PLCXD3: variants seen among roughly 807,000 people sequenced by gnomAD.
PLCXD3 encodes the protein PI-PLC X domain-containing protein 3.
PLCXD3 carries 19 observed loss-of-function variants against 25.5 expected under a neutral mutation model. That is an observed-to-expected ratio of 0.75 (90% CI 0.52 to 1.09). PLCXD3 has a LOEUF of 1.09. PLCXD3 is among the 50% of genes least tolerant of loss of function. The probability of loss-of-function intolerance (pLI) is 0.00; values close to 1 mark genes in which losing one functional copy is unlikely to be tolerated. For missense variants in PLCXD3, 411 were observed against 388.1 expected, an observed-to-expected ratio of 1.06 and a Z score of -0.50; for synonymous variants, 174 against 137.6, an observed-to-expected ratio of 1.26 and a Z score of -1.85.
At chr5:41,366,814 C>T (rs1234189420) in intron 2 of PLCXD3, among the ~76,000 whole-genome samples, 1 of 152,100 alleles carries the variant, frequency 6.6e-6, no homozygotes, top group Non-Finnish European at 1.5e-5. Flanking sequence ...TCCCGTGCCC[C>T]AGTGTGTGTC....
At chr5:41,320,276 C>T (rs867150942) in intron 2 of PLCXD3, among the ~76,000 whole-genome samples, 2 of 151,944 alleles carry the variant, frequency 1.3e-5, no homozygotes, top group African/African-American at 4.8e-5. Flanking sequence ...CAGTATTACC[C>T]TGATAACAAA....
intron 2 of PLCXD3, among the ~76,000 whole-genome samples, chr5:41,341,295 G>A (rs1436353511): frequency 6.6e-6 from 1 of 152,150 alleles, no homozygotes; most frequent in Non-Finnish European, 1.5e-5. Flanking sequence ...CAGCTTCCTA[G>A]CTGACTCTGC....
At chr5:41,405,681 A>G (rs940489362) in intron 1 of PLCXD3, among the ~76,000 whole-genome samples, 1 of 152,172 alleles carries the variant, frequency 6.6e-6, no homozygotes, top group Admixed American at 6.6e-5. Context: ...TCCATTGTTC[A>G]CATGAGATAT....
chr5:41,451,714 G>A (rs1443530966), intron 1 of PLCXD3, among the ~76,000 whole-genome samples: 2 of 151,226 alleles, frequency 1.3e-5, no homozygotes, highest in Admixed American at 6.6e-5. Flanking sequence ...CTCACCTACT[G>A]AAAGACATTG....
chr5:41,357,054 T>C (rs940020363), intron 2 of PLCXD3, among the ~76,000 whole-genome samples: 3 of 152,244 alleles, frequency 2.0e-5, no homozygotes, highest in African/African-American at 7.2e-5. Context: ...GCAGACACGC[T>C]TGACCTAACT....
intron 2 of PLCXD3, among the ~76,000 whole-genome samples, chr5:41,363,511 C>T (rs1327695117): frequency 6.6e-6 from 1 of 152,116 alleles, no homozygotes; most frequent in East Asian, 1.9e-4. Context: ...AGCTGTCATT[C>T]AGAATTATTA....
intron 1 of PLCXD3, chr5:41,456,586 C>A (rs749850657): frequency 5.6e-6 from 5 of 891,152 alleles, no homozygotes; most frequent in Non-Finnish European, 6.7e-6. Flanking sequence ...TTGTGTCCCC[C>A]CTGACACTCC....
At chr5:41,378,789 T>C (rs1034467128) in intron 2 of PLCXD3, among the ~76,000 whole-genome samples, 2 of 152,068 alleles carry the variant, frequency 1.3e-5, no homozygotes, top group African/African-American at 4.8e-5. Context: ...CCTAACTGAT[T>C]TGATTTTTTT....
chr5:41,507,124 C>A (rs931313343), intron 1 of PLCXD3, among the ~76,000 whole-genome samples: 1 of 152,132 alleles, frequency 6.6e-6, no homozygotes, highest in African/African-American at 2.4e-5. Context: ...CTGGAGCCAC[C>A]ATGATTACAG....
intron 1 of PLCXD3, among the ~76,000 whole-genome samples, chr5:41,499,570 C>T (rs928046974): frequency 6.6e-6 from 1 of 151,738 alleles, no homozygotes; most frequent in Non-Finnish European, 1.5e-5. Flanking sequence ...TACCACTCCC[C>T]AAAGGAATCT....
chr5:41,428,812 G>A (rs563793050), intron 1 of PLCXD3, among the ~76,000 whole-genome samples: 32 of 152,154 alleles, frequency 2.1e-4, no homozygotes, highest in Admixed American at 5.2e-4. Flanking sequence ...GACGCTTCAT[G>A]CACTGTTAAA....
intron 2 of PLCXD3, among the ~76,000 whole-genome samples, chr5:41,346,088 C>T (rs765321983): frequency 2.0e-5 from 3 of 152,106 alleles, no homozygotes; most frequent in Admixed American, 6.6e-5. Flanking sequence ...ACCATGTTGG[C>T]GTGGCTGGTC....
chr5:41,406,429 A>G (rs1258444754), intron 1 of PLCXD3, among the ~76,000 whole-genome samples: 1 of 152,128 alleles, frequency 6.6e-6, no homozygotes, highest in African/African-American at 2.4e-5. Context: ...AACAGACTTT[A>G]GTATCTTCCC....
At chr5:41,358,062 T>C (rs770437702) in intron 2 of PLCXD3, among the ~76,000 whole-genome samples, 37 of 152,336 alleles carry the variant, frequency 2.4e-4, no homozygotes, top group Non-Finnish European at 2.4e-4. Context: ...ATATTGTTAA[T>C]GAAAGCTAAC....
At chr5:41,475,812 C>G (rs559471407) in intron 1 of PLCXD3, 19 of 499,418 alleles carry the variant, frequency 3.8e-5, no homozygotes, top group African/African-American at 1.2e-4. Context: ...CATTATGAGA[C>G]TGAATGAAGG....
intron 1 of PLCXD3, among the ~76,000 whole-genome samples, chr5:41,433,005 C>G (rs1238161039): frequency 6.6e-6 from 1 of 152,174 alleles, no homozygotes; most frequent in Non-Finnish European, 1.5e-5. Context: ...ATTTCAAGGT[C>G]CTGGAACAGC....
intron 2 of PLCXD3, among the ~76,000 whole-genome samples, chr5:41,336,151 T>A (rs917614243): frequency 3.9e-5 from 6 of 152,150 alleles, no homozygotes; most frequent in African/African-American, 1.4e-4. Context: ...AATTCTCATC[T>A]TCCTCGTTGT....
At chr5:41,407,168 G>C (rs545598834) in intron 1 of PLCXD3, among the ~76,000 whole-genome samples, 2 of 152,252 alleles carry the variant, frequency 1.3e-5, no homozygotes, top group African/African-American at 4.8e-5. Flanking sequence ...TCTGGCTGAT[G>C]TTATGTGGGA....
At chr5:41,435,978 T>C (rs1037076727) in intron 1 of PLCXD3, among the ~76,000 whole-genome samples, 1 of 152,178 alleles carries the variant, frequency 6.6e-6, no homozygotes, top group Admixed American at 6.5e-5. Context: ...GCCCTGAGGA[T>C]ACCACTCAAC....
Sources: allele counts gnomAD v4.1 joint callset (sites outside exome capture counted in the v4.1 genomes callset), GRCh38; gene constraint gnomAD v4.1.1; transcripts MANE v1.5; gene names NCBI Gene and HGNC (gene_info 2026-07-23, HGNC 2026-07-21).